Variants in THSD7B observed in about 807,000 individuals in gnomAD.
THSD7B encodes thrombospondin type 1 domain containing 7B, also known as thrombospondin type-1 domain-containing protein 7B.
Under a neutral mutation model 213.6 loss-of-function variants are expected in THSD7B, and 138 were observed. That is an observed-to-expected ratio of 0.65 (90% CI 0.56 to 0.74). The LOEUF is 0.74. THSD7B is among the 30% of genes least tolerant of loss of function. The probability of loss-of-function intolerance (pLI) is 0.00; values close to 1 mark genes in which losing one functional copy is unlikely to be tolerated. For synonymous variants in THSD7B, 742 were observed against 687.0 expected (o/e 1.08, Z -1.25); for missense variants, 1,931 against 1,991.5 (o/e 0.97, Z 0.58).
chr2:136,875,427 A>T (rs779270448), intron 1 of THSD7B, among the ~76,000 whole-genome samples: 2 of 152,238 alleles, frequency 1.3e-5, no homozygotes, highest in Non-Finnish European at 2.9e-5. Context: ...CAAAAAATAA[A>T]TAAAGAAAGA....
chr2:136,931,855 G>T (rs1246723118), intron 2 of THSD7B, among the ~76,000 whole-genome samples: 3 of 152,116 alleles, frequency 2.0e-5, no homozygotes, highest in African/African-American at 4.8e-5. Flanking sequence ...TAGTTCAGAG[G>T]TTTTAATAGA....
At chr2:136,851,933 C>A (rs1573669234) in intron 1 of THSD7B, among the ~76,000 whole-genome samples, 1 of 148,050 alleles carries the variant, frequency 6.8e-6, no homozygotes, top group African/African-American at 2.5e-5. Flanking sequence ...CAATACACAA[C>A]TATATATATA....
intron 1 of THSD7B, among the ~76,000 whole-genome samples, chr2:136,871,214 T>A (rs1683426395): frequency 6.6e-6 from 1 of 152,106 alleles, no homozygotes; most frequent in South Asian, 2.1e-4. Flanking sequence ...ATGCAGATGT[T>A]CAGTGGTAAG....
At chr2:137,105,741 G>T (rs1266992143) in intron 4 of THSD7B, among the ~76,000 whole-genome samples, 1 of 151,944 alleles carries the variant, frequency 6.6e-6, no homozygotes, top group Non-Finnish European at 1.5e-5. Flanking sequence ...AAATCACAAG[G>T]ATTCCTATAA....
At chr2:137,518,358 C>G (rs1680114082) in intron 15 of THSD7B, among the ~76,000 whole-genome samples, 1 of 152,130 alleles carries the variant, frequency 6.6e-6, no homozygotes, top group Non-Finnish European at 1.5e-5. Context: ...TCCCAGTGGG[C>G]AGAATTTCAA....
At position 137,056,936 on chromosome 2, in the gene THSD7B, A is replaced by G; in HGVS notation, c.656A>G (p.Asn219Ser). 3 of 1,613,894 alleles carry G rather than the reference A, an allele frequency of 1.9e-6. No homozygotes were observed. Among genetic ancestry groups the G allele is most frequent in the Non-Finnish European group, 2.5e-6 (3 of 1,179,840 alleles). ...PPLFGGLQCP[N>S]LTESRACDAP... ...CTCTTTGGTGGTTTGCAATGTCCAA[A>G]TCTGACTGAGTCAAGAGCCTGTGAT... The change falls in exon 3 of 28, where the codon AAT becomes AGT. Residue 219 changes from asparagine (N) to serine (S), a missense_variant. Asn to Ser is a conservative substitution (Grantham distance 46). Transcript: ENST00000409968.
At chr2:137,132,113 T>A (rs950141796) in intron 5 of THSD7B, among the ~76,000 whole-genome samples, 1 of 149,980 alleles carries the variant, frequency 6.7e-6, no homozygotes, top group Non-Finnish European at 1.5e-5. Context: ...GTAAGTTGGA[T>A]TCCTAGGTAT....
chr2:137,404,177 A>G (rs1394620614), intron 12 of THSD7B, among the ~76,000 whole-genome samples: 1 of 151,902 alleles, frequency 6.6e-6, no homozygotes, highest in Admixed American at 6.6e-5. Flanking sequence ...ACGACTAGAG[A>G]GTTCCTAGTT....
At chr2:137,202,879 TAACA>T (rs1004078471) in intron 7 of THSD7B, among the ~76,000 whole-genome samples, 7 of 152,108 alleles carry the variant, frequency 4.6e-5, no homozygotes, top group African/African-American at 1.7e-4. Flanking sequence ...GATAGATAGA[TAACA>T]AACAGGTGAT....
At chr2:136,812,172 T>C (rs922168377) in intron 1 of THSD7B, among the ~76,000 whole-genome samples, 8 of 152,220 alleles carry the variant, frequency 5.3e-5, no homozygotes, top group Non-Finnish European at 1.2e-4. Flanking sequence ...TATCAATAAT[T>C]TGAAAACTCA....
At chr2:137,113,407 T>C (rs145320615) in intron 4 of THSD7B, among the ~76,000 whole-genome samples, 3 of 152,162 alleles carry the variant, frequency 2.0e-5, no homozygotes, top group Admixed American at 6.5e-5. Flanking sequence ...AAATATATTG[T>C]TTTGTGGGGT....
intron 20 of THSD7B, among the ~76,000 whole-genome samples, chr2:137,626,447 G>A (rs1338256783): frequency 3.0e-5 from 4 of 132,282 alleles, no homozygotes; most frequent in African/African-American, 1.3e-4. Context: ...CTGGGCAAAA[G>A]AGCGAGACTC....
chr2:136,887,678 C>A (rs1683743413), intron 2 of THSD7B, among the ~76,000 whole-genome samples: 1 of 152,074 alleles, frequency 6.6e-6, no homozygotes, highest in Non-Finnish European at 1.5e-5. Context: ...CAGATGCTAG[C>A]ACTGTGCTTC....
chr2:137,274,303 C>T (rs1351074685), intron 11 of THSD7B, among the ~76,000 whole-genome samples: 1 of 152,082 alleles, frequency 6.6e-6, no homozygotes, highest in African/African-American at 2.4e-5. Flanking sequence ...TTATCATTAT[C>T]TTCTGATTCT....
At chr2:136,876,473 T>TGTGTG (rs1683527712) in intron 1 of THSD7B, among the ~76,000 whole-genome samples, 1 of 152,190 alleles carries the variant, frequency 6.6e-6, no homozygotes, top group South Asian at 2.1e-4. Flanking sequence ...ACCACCCATT[T>TGTGTG]GTGTGGTGTG....
chr2:137,107,889 C>T (rs1328041478), intron 4 of THSD7B, among the ~76,000 whole-genome samples: 1 of 152,196 alleles, frequency 6.6e-6, no homozygotes, highest in Non-Finnish European at 1.5e-5. Context: ...TAAAAAATTA[C>T]TGGAGCATAA....
intron 1 of THSD7B, among the ~76,000 whole-genome samples, chr2:136,813,860 G>A (rs1479110178): frequency 6.6e-6 from 1 of 152,072 alleles, no homozygotes; most frequent in Non-Finnish European, 1.5e-5. Context: ...TTTATAGAGC[G>A]CTTTTCTCCT....
At chr2:136,794,532 A>G (rs1403525333) in intron 1 of THSD7B, among the ~76,000 whole-genome samples, 2 of 151,898 alleles carry the variant, frequency 1.3e-5, no homozygotes, top group African/African-American at 4.8e-5. Flanking sequence ...TTATTTCTAA[A>G]TCAATTCCGC....
At chr2:137,428,205 G>T (rs984216287) in intron 14 of THSD7B, among the ~76,000 whole-genome samples, 17 of 152,080 alleles carry the variant, frequency 1.1e-4, no homozygotes, top group African/African-American at 4.1e-4. Flanking sequence ...CACATGAAAA[G>T]ATACTCAACA....
Sources: allele counts gnomAD v4.1 joint callset (sites outside exome capture counted in the v4.1 genomes callset), GRCh38; gene constraint gnomAD v4.1.1; transcripts MANE v1.5; gene names NCBI Gene and HGNC (gene_info 2026-07-23, HGNC 2026-07-21).